FARP1: variants seen among roughly 807,000 people sequenced by gnomAD.
The protein encoded by FARP1 is FERM, ARHGEF and pleckstrin domain-containing protein 1.
FARP1 carries 52 observed loss-of-function variants against 128.8 expected under a neutral mutation model. The observed-to-expected ratio is 0.40, with a 90% CI of 0.32 to 0.51. The LOEUF (loss-of-function observed/expected upper bound fraction) is 0.51. Ranked by LOEUF, FARP1 falls within the 20% of genes least tolerant of loss-of-function variation. The probability of loss-of-function intolerance (pLI) is 0.45; values close to 1 mark genes in which losing one functional copy is unlikely to be tolerated. For missense variants in FARP1, 1,333 were observed against 1,367.9 expected, an observed-to-expected ratio of 0.97 and a Z score of 0.40; for synonymous variants, 580 against 551.8, an observed-to-expected ratio of 1.05 and a Z score of -0.72.
At chr13:98,170,337 C>A (rs1236552238) in intron 1 of FARP1, among the ~76,000 whole-genome samples, 1 of 151,820 alleles carries the variant, frequency 6.6e-6, no homozygotes, top group Non-Finnish European at 1.5e-5. Context: ...GCATGCGCCA[C>A]CATGCCTGGC....
intron 2 of FARP1, among the ~76,000 whole-genome samples, chr13:98,278,216 TGTGA>T (rs60688883): frequency 0.083 from 12,617 of 151,530 alleles, 1,045 homozygotes; most frequent in African/African-American, 0.22. Flanking sequence ...TTGTGTTGTG[TGTGA>T]GTGTATGTGT....
intron 13 of FARP1, chr13:98,403,026 C>T (rs1946101114): frequency 1.3e-5 from 2 of 150,936 alleles, no homozygotes; most frequent in African/African-American, 4.9e-5. Flanking sequence ...AGCGTTCTGT[C>T]TTTACCCTCA....
Position 98,169,848 on chromosome 13 carries a change from G to T in FARP1, c.-24+26356G>T, listed in dbSNP as rs1422282245. Among the ~76,000 whole-genome samples the T allele has an allele frequency of 2.6e-5, 4 of 151,728 alleles. No homozygotes were observed. In the East Asian group the frequency reaches 7.7e-4, roughly 29 times the overall value. On this transcript the variant is annotated intron_variant, in intron 1 of 26. Transcript: ENST00000319562. Reference sequence around the variant, plus strand: ...TTCTCCATTTAGTCTGGAGACCATTGTCCATCAGTCTGAGATATTTCCTAA... The same window carrying T: ...TTCTCCATTTAGTCTGGAGACCATTTTCCATCAGTCTGAGATATTTCCTAA...
At chr13:98,147,067 T>C (rs1875620390) in intron 1 of FARP1, among the ~76,000 whole-genome samples, 1 of 152,200 alleles carries the variant, frequency 6.6e-6, no homozygotes. Flanking sequence ...TTCTGCCAAA[T>C]GCAGCCTTTG....
chr13:98,304,801 G>A (rs961004715), intron 2 of FARP1, among the ~76,000 whole-genome samples: 2 of 152,204 alleles, frequency 1.3e-5, no homozygotes, highest in African/African-American at 4.8e-5. Context: ...CCTTGTCTGA[G>A]CTGGGCATAA....
intron 24 of FARP1, among the ~76,000 whole-genome samples, chr13:98,443,682 G>T (rs1235071509): frequency 2.0e-5 from 3 of 152,244 alleles, no homozygotes; most frequent in Non-Finnish European, 4.4e-5. Context: ...GCTCCCACTA[G>T]AGGTGGGGTC....
Position 98,366,543 on chromosome 13 carries a change from A to G in FARP1, c.319+1106A>G, listed in dbSNP as rs1013119105. 4.6e-5 allele frequency among the ~76,000 whole-genome samples: 7 copies of G among 152,314 alleles called. No homozygotes were observed. The East Asian group carries it at 5.8e-4, about 13-fold the overall frequency. On this transcript the variant is annotated intron_variant, in intron 4 of 26. Coordinates refer to ENST00000319562, the MANE Select transcript of FARP1 (RefSeq NM_005766.4). ...AGGGAACTGCTAACAGTGGCAAGGT[A>G]TATCTTTGGCGCAGACCTGAAGACA...
chr13:98,447,861 G>GAA (rs1319681611), intron 26 of FARP1: 1 of 212,000 alleles, frequency 4.7e-6, no homozygotes, highest in South Asian at 9.0e-5. Context: ...AAAAGAAAAA[G>GAA]AAAAAAGGAA....
chr13:98,450,187 CAAT>C lies in FARP1; in HGVS notation c.*1871_*1873del, dbSNP rs1203406969. 1.3e-5 allele frequency: 2 copies of C among 151,742 alleles called. No individual in the cohort carries two copies. The highest frequency in any genetic ancestry group is 6.6e-5 in the Admixed American group (1 of 15,218). The allele number at this position is 151,742 out of a possible 1,614,324, so 9.4% of individuals were successfully genotyped here. On this transcript the variant is annotated 3_prime_UTR_variant, in exon 27 of 27. Coordinates refer to ENST00000319562, the MANE Select transcript of FARP1 (RefSeq NM_005766.4). ...TGAGACACACTACACATGAGACACACAATGATGCAGATACTCGTTTTCTTGAGC... is the reference window on the plus strand; with the variant it reads ...TGAGACACACTACACATGAGACACACGATGCAGATACTCGTTTTCTTGAGC...
chr13:98,373,625 A>G (rs1164174462), intron 5 of FARP1, among the ~76,000 whole-genome samples: 1 of 151,750 alleles, frequency 6.6e-6, no homozygotes, highest in Non-Finnish European at 1.5e-5. Context: ...GAGCAAGAGA[A>G]CAAGAATAAA....
intron 2 of FARP1, among the ~76,000 whole-genome samples, chr13:98,252,358 T>C (rs1313170914): frequency 6.6e-6 from 1 of 152,240 alleles, no homozygotes; most frequent in Non-Finnish European, 1.5e-5. Flanking sequence ...GACTTCAGCG[T>C]GGCTCTTGTC....
Position 98,270,255 on chromosome 13 carries a change from T to G in FARP1, c.171+56842T>G, listed in dbSNP as rs112682240. Among the ~76,000 whole-genome samples, 1,316 of 152,310 alleles carry G rather than the reference T, an allele frequency of 8.6e-3. 18 individuals are homozygous for G. The highest frequency in any genetic ancestry group is 0.03 in the African/African-American group (1,259 of 41,564). On this transcript the variant is annotated intron_variant, in intron 2 of 26. Transcript: ENST00000319562. Reference sequence around the variant, plus strand: ...TGTGTTAAGCCCATCCCTTCTCATTTGGTCAAGGTCCATCCTTGGTCTCTA... The same window carrying G: ...TGTGTTAAGCCCATCCCTTCTCATTGGGTCAAGGTCCATCCTTGGTCTCTA...
chr13:98,318,068 C>CTTTTT (rs35762706), intron 2 of FARP1, among the ~76,000 whole-genome samples: 2 of 104,176 alleles, frequency 1.9e-5, no homozygotes, highest in Admixed American at 1.1e-4. Context: ...TCTCCTCCTC[C>CTTTTT]TTTTTTTTTT....
chr13:98,173,174 A>G (rs1877771226), intron 1 of FARP1, among the ~76,000 whole-genome samples: 1 of 152,198 alleles, frequency 6.6e-6, no homozygotes, highest in African/African-American at 2.4e-5. Context: ...TTTCAGCTTT[A>G]TACATAGCTC....
chr13:98,178,599 T>C (rs1407662078), intron 1 of FARP1, among the ~76,000 whole-genome samples: 3 of 152,256 alleles, frequency 2.0e-5, no homozygotes, highest in African/African-American at 7.2e-5. Flanking sequence ...AGCCAGTGCA[T>C]GTCATAAAGT....
At chr13:98,205,363 G>A (rs1880202556) in intron 1 of FARP1, among the ~76,000 whole-genome samples, 1 of 151,840 alleles carries the variant, frequency 6.6e-6, no homozygotes, top group Non-Finnish European at 1.5e-5. Context: ...GGGTATGTTG[G>A]ATCATCTCTC....
intron 13 of FARP1, chr13:98,396,654 C>A (rs1237025167): frequency 5.0e-6 from 2 of 396,572 alleles, no homozygotes; most frequent in Admixed American, 4.4e-5. Flanking sequence ...CTTCTAAAAT[C>A]GTTAAGAAAA....
chr13:98,250,595 C>G (rs1466825165), intron 2 of FARP1, among the ~76,000 whole-genome samples: 1 of 152,050 alleles, frequency 6.6e-6, no homozygotes, highest in South Asian at 2.1e-4. Flanking sequence ...GTGGCAGGTG[C>G]CTGTAATCCC....
At chr13:98,285,207 G>GA (rs546199790) in intron 2 of FARP1, among the ~76,000 whole-genome samples, 2 of 151,922 alleles carry the variant, frequency 1.3e-5, no homozygotes, top group Non-Finnish European at 2.9e-5. Context: ...ATTTTGAAGG[G>GA]AAAAAATGTA....
Sources: gnomAD v4.1 joint callset for allele counts (sites outside exome capture counted in the v4.1 genomes callset) on GRCh38, gnomAD v4.1.1 for gene constraint, MANE v1.5 for transcripts, NCBI Gene and HGNC (gene_info 2026-07-23, HGNC 2026-07-21) for gene names.